Variants in EDC3 observed in about 807,000 individuals in gnomAD.
EDC3 encodes the protein enhancer of mRNA decapping 3.
In EDC3, 20 loss-of-function variants were observed where a neutral mutation model predicts 41.8. The observed-to-expected ratio is 0.48, with a 90% confidence interval of 0.34 to 0.70. The LOEUF (loss-of-function observed/expected upper bound fraction) is 0.70, where lower values mean the gene tolerates loss of function less well. EDC3 is among the 30% of genes least tolerant of loss of function. The probability of loss-of-function intolerance (pLI) is 0.01; values close to 1 mark genes in which losing one functional copy is unlikely to be tolerated. For synonymous variants in EDC3, 206 were observed against 243.2 expected (o/e 0.85, Z 1.42); for missense variants, 444 against 636.8 (o/e 0.70, Z 3.26).
chr15:74,688,126 T>C (rs1031019143), intron 1 of EDC3, among the ~76,000 whole-genome samples: 4 of 152,216 alleles, frequency 2.6e-5, no homozygotes, highest in African/African-American at 9.6e-5. Context: ...TAAAATAGCA[T>C]TATTCAAAAC....
chr15:74,637,449 G>A (rs1337270705), intron 5 of EDC3: 1 of 152,220 alleles, frequency 6.6e-6, no homozygotes, highest in Non-Finnish European at 1.5e-5. Context: ...ACACGGGCCT[G>A]ATGCTCTTTC....
intron 1 of EDC3, among the ~76,000 whole-genome samples, chr15:74,691,252 T>C (rs1430030041): frequency 6.6e-6 from 1 of 152,148 alleles, no homozygotes; most frequent in East Asian, 1.9e-4. Context: ...GAGTCTCAAC[T>C]GCCTCATCTG....
intron 1 of EDC3, among the ~76,000 whole-genome samples, chr15:74,688,159 A>T (rs1011016860): frequency 6.6e-6 from 1 of 152,214 alleles, no homozygotes; most frequent in Non-Finnish European, 1.5e-5. Flanking sequence ...TTTATTCTAT[A>T]AAGAAAATTA....
chr15:74,663,803 A>T (rs1011233201), intron 3 of EDC3, among the ~76,000 whole-genome samples: 1 of 152,092 alleles, frequency 6.6e-6, no homozygotes, highest in African/African-American at 2.4e-5. Context: ...AACAAACATG[A>T]CTAGCTGTAA....
At chr15:74,675,646 C>T (rs1206464791) in intron 1 of EDC3, among the ~76,000 whole-genome samples, 1 of 144,846 alleles carries the variant, frequency 6.9e-6, no homozygotes, top group East Asian at 2.0e-4. Flanking sequence ...TGCAATGGTG[C>T]GAGGCGGGCA....
chr15:74,656,406 AACACACACACACAC>A (rs143925363), intron 3 of EDC3, among the ~76,000 whole-genome samples: 3 of 145,948 alleles, frequency 2.1e-5, no homozygotes, highest in South Asian at 4.4e-4. Context: ...TCTGTCTCAA[AACACACACACACAC>A]ACACACACAC....
chr15:74,674,302 G>T (rs1288732087), intron 2 of EDC3, among the ~76,000 whole-genome samples: 7 of 152,026 alleles, frequency 4.6e-5, no homozygotes, highest in Admixed American at 4.6e-4. Context: ...TAAAGACGAG[G>T]TCTCACTATG....
chr15:74,641,270 G>A (rs912030070), intron 4 of EDC3: 1 of 152,144 alleles, frequency 6.6e-6, no homozygotes, highest in Non-Finnish European at 1.5e-5. Context: ...CAGTACTCAC[G>A]AAACAGGGAA....
intron 1 of EDC3, among the ~76,000 whole-genome samples, chr15:74,688,240 G>A (rs981346058): frequency 2.0e-5 from 3 of 152,124 alleles, no homozygotes; most frequent in African/African-American, 7.2e-5. Flanking sequence ...ATCGGACTAG[G>A]GAAGGGGCTC....
chr15:74,653,187 CAAA>C (rs57778832), intron 4 of EDC3, among the ~76,000 whole-genome samples: 2 of 99,596 alleles, frequency 2.0e-5, no homozygotes, highest in Non-Finnish European at 4.4e-5. Flanking sequence ...ACTCTGTCTC[CAAA>C]AAAAAAAAAA....
At chr15:74,652,655 C>T (rs1301523828) in intron 4 of EDC3, among the ~76,000 whole-genome samples, 1 of 151,952 alleles carries the variant, frequency 6.6e-6, no homozygotes, top group African/African-American at 2.4e-5. Context: ...GACTTTGGCT[C>T]ATTGCAGCCG....
intron 3 of EDC3, among the ~76,000 whole-genome samples, chr15:74,657,942 T>C (rs980132564): frequency 2.0e-5 from 3 of 152,192 alleles, no homozygotes; most frequent in Non-Finnish European, 4.4e-5. Flanking sequence ...ACTGAACTGA[T>C]CCTGTAGAGG....
Position 74,640,630 on chromosome 15 carries a change from A to G in EDC3, c.821-11T>C, listed in dbSNP as rs867644906. 27 of 1,614,162 alleles carry G rather than the reference A, an allele frequency of 1.7e-5. 2 individuals are homozygous for G. The Middle Eastern group carries it at 3.6e-3, about 217-fold the overall frequency. On this transcript the variant is annotated splice_polypyrimidine_tract_variant and intron_variant, in intron 4 of 6. Transcript: ENST00000315127. ...CAACCAGGCCAGAGTCTGCAGTTCA[A>G]AAGGAGAAGAGAAAGGGAAAGTGAC...
chr15:74,673,829 G>C (rs2062769273), intron 2 of EDC3, among the ~76,000 whole-genome samples: 1 of 129,418 alleles, frequency 7.7e-6, no homozygotes, highest in Non-Finnish European at 1.6e-5. Context: ...GACAGAGTGA[G>C]ACTCCATCAA....
chr15:74,676,078 T>C (rs986968251), intron 1 of EDC3, among the ~76,000 whole-genome samples: 9 of 152,088 alleles, frequency 5.9e-5, no homozygotes, highest in African/African-American at 2.2e-4. Context: ...CAGAATTAAA[T>C]TTGAAATTGA....
intron 3 of EDC3, among the ~76,000 whole-genome samples, chr15:74,663,421 G>T (rs1311005510): frequency 1.3e-5 from 2 of 152,154 alleles, no homozygotes; most frequent in African/African-American, 4.8e-5. Flanking sequence ...CAATATGAAT[G>T]TTCAAAAGCA....
At chr15:74,679,669 C>T (rs1024875767) in intron 1 of EDC3, 5 of 149,014 alleles carry the variant, frequency 3.4e-5, no homozygotes, top group African/African-American at 1.2e-4. Context: ...CCTGTAATCC[C>T]AGCACTTTGA....
chr15:74,666,780 C>T (rs935844816), intron 3 of EDC3, among the ~76,000 whole-genome samples: 8 of 152,128 alleles, frequency 5.3e-5, no homozygotes, highest in African/African-American at 1.9e-4. Context: ...ATACATGATG[C>T]TATGTATTTG....
intron 6 of EDC3, chr15:74,635,107 T>G (rs758589496): frequency 3.4e-6 from 2 of 586,016 alleles, no homozygotes; most frequent in South Asian, 3.0e-5. Context: ...GAATATAAGC[T>G]CCACAGAAGA....
Sources: allele counts gnomAD v4.1 joint callset (sites outside exome capture counted in the v4.1 genomes callset), GRCh38; gene constraint gnomAD v4.1.1; transcripts MANE v1.5; gene names NCBI Gene and HGNC (gene_info 2026-07-23, HGNC 2026-07-21).